The following SGCZ variants were observed in gnomAD, a reference collection of about 807,000 sequenced individuals.
SGCZ encodes the protein sarcoglycan zeta.
In SGCZ, 40 loss-of-function variants were observed where a neutral mutation model predicts 41.3. The ratio of observed to expected loss-of-function variants is 0.97; its 90% confidence interval spans 0.75 to 1.26. The LOEUF is 1.26. Among genes scored for constraint, SGCZ ranks in the 50% most tolerant of loss-of-function variants. The pLI is 0.00. For missense variants in SGCZ, 552 were observed against 369.8 expected, an observed-to-expected ratio of 1.49 and a Z score of -4.04; for synonymous variants, 206 against 137.5, an observed-to-expected ratio of 1.50 and a Z score of -3.49.
At chr8:14,597,637 C>G (rs962145324) in intron 1 of SGCZ, among the ~76,000 whole-genome samples, 4 of 152,058 alleles carry the variant, frequency 2.6e-5, no homozygotes, top group African/African-American at 7.2e-5. Context: ...GCCACCATGC[C>G]CGGCTAATTT....
At chr8:14,316,721 T>G (rs1801728362) in intron 3 of SGCZ, among the ~76,000 whole-genome samples, 1 of 151,886 alleles carries the variant, frequency 6.6e-6, no homozygotes, top group Non-Finnish European at 1.5e-5. Context: ...CTCTTCAATA[T>G]TAGAGTGCCC....
At chr8:14,490,594 T>C (rs558902192) in intron 2 of SGCZ, among the ~76,000 whole-genome samples, 111 of 152,352 alleles carry the variant, frequency 7.3e-4, no homozygotes, top group South Asian at 2.7e-3. Flanking sequence ...TCATATGATA[T>C]TAAAATTCAT....
At chr8:14,191,809 G>C (rs948472174) in intron 4 of SGCZ, among the ~76,000 whole-genome samples, 1 of 152,102 alleles carries the variant, frequency 6.6e-6, no homozygotes, top group Non-Finnish European at 1.5e-5. Context: ...GAAGCCCAGA[G>C]TCAAAGTTCA....
chr8:14,516,617 T>C (rs571643240), intron 2 of SGCZ, among the ~76,000 whole-genome samples: 1 of 152,204 alleles, frequency 6.6e-6, no homozygotes, highest in South Asian at 2.1e-4. Flanking sequence ...AATCTAGGTA[T>C]CAGGAAAATT....
At chr8:14,303,722 C>A (rs185890995) in intron 3 of SGCZ, among the ~76,000 whole-genome samples, 69 of 152,008 alleles carry the variant, frequency 4.5e-4, no homozygotes, top group African/African-American at 1.4e-3. Flanking sequence ...AAATCTCTCT[C>A]TATATATATA....
chr8:14,448,811 C>T (rs1800508865), intron 2 of SGCZ, among the ~76,000 whole-genome samples: 1 of 152,184 alleles, frequency 6.6e-6, no homozygotes, highest in African/African-American at 2.4e-5. Context: ...TTTCTGGCCT[C>T]TGACTCTTCC....
rs150259872 is a variant in SGCZ, at chr8:14,571,359, T to C, written c.40-16433A>G. ...CAAACCATATCAACAATTGCAAATG[T>C]ATTTGCATTAATGTTGCTGTAATCA... On this transcript the variant is annotated intron_variant, in intron 1 of 7. Coordinates refer to ENST00000382080, the MANE Select transcript of SGCZ (RefSeq NM_139167.4). 7.5e-4 allele frequency among the ~76,000 whole-genome samples: 114 copies of C among 152,306 alleles called. 1 individual carries two copies. The East Asian group carries it at 7.5e-3, about 10-fold the overall frequency.
At chr8:14,135,271 A>G (rs901955882) in intron 5 of SGCZ, among the ~76,000 whole-genome samples, 3 of 152,248 alleles carry the variant, frequency 2.0e-5, no homozygotes, top group Non-Finnish European at 4.4e-5. Flanking sequence ...AATATTTTGA[A>G]TTATTTCACT....
intron 1 of SGCZ, among the ~76,000 whole-genome samples, chr8:14,894,145 A>C (rs1805113986): frequency 6.6e-6 from 1 of 152,166 alleles, no homozygotes; most frequent in African/African-American, 2.4e-5. Flanking sequence ...TCTTAATATA[A>C]AATATTCACT....
chr8:14,224,141 C>T (rs892360052), intron 4 of SGCZ, among the ~76,000 whole-genome samples: 1 of 152,144 alleles, frequency 6.6e-6, no homozygotes, highest in Non-Finnish European at 1.5e-5. Flanking sequence ...ATAATGTACA[C>T]AAGTTTGACT....
chr8:14,668,970 T>C (rs890018132), intron 1 of SGCZ, among the ~76,000 whole-genome samples: 1 of 151,984 alleles, frequency 6.6e-6, no homozygotes, highest in Non-Finnish European at 1.5e-5. Context: ...AACATGTAAG[T>C]TCTACTCTCA....
chr8:14,113,279 A>G (rs1030165041), intron 5 of SGCZ, among the ~76,000 whole-genome samples: 1 of 152,096 alleles, frequency 6.6e-6, no homozygotes, highest in Non-Finnish European at 1.5e-5. Context: ...TATCTTTACT[A>G]ATTTTCCCAC....
intron 1 of SGCZ, among the ~76,000 whole-genome samples, chr8:14,775,174 A>G (rs531131221): frequency 1.3e-5 from 2 of 152,328 alleles, no homozygotes; most frequent in South Asian, 4.1e-4. Flanking sequence ...ATTACTGTGT[A>G]TATGAATCAC....
chr8:15,006,862 C>T (rs1195613116), intron 1 of SGCZ, among the ~76,000 whole-genome samples: 3 of 152,148 alleles, frequency 2.0e-5, no homozygotes, highest in South Asian at 2.1e-4. Flanking sequence ...AAATGTGCCT[C>T]TTTATACATT....
At chr8:14,368,954 TA>T (rs956395112) in intron 2 of SGCZ, among the ~76,000 whole-genome samples, 12 of 151,640 alleles carry the variant, frequency 7.9e-5, no homozygotes, top group African/African-American at 2.9e-4. Context: ...GTCTTTCTGA[TA>T]GGGGTTAAGG....
intron 3 of SGCZ, among the ~76,000 whole-genome samples, chr8:14,241,846 T>C (rs930627190): frequency 2.0e-5 from 3 of 152,220 alleles, no homozygotes; most frequent in Non-Finnish European, 4.4e-5. Context: ...TAGATAAAAA[T>C]AATGAAATAT....
At chr8:14,129,772 A>T (rs1372552026) in intron 5 of SGCZ, among the ~76,000 whole-genome samples, 1 of 152,088 alleles carries the variant, frequency 6.6e-6, no homozygotes, top group Admixed American at 6.5e-5. Flanking sequence ...TTAGGAATAA[A>T]TTTGACAAAA....
chr8:14,146,117 C>A (rs1803513133), intron 5 of SGCZ, among the ~76,000 whole-genome samples: 1 of 151,910 alleles, frequency 6.6e-6, no homozygotes, highest in Non-Finnish European at 1.5e-5. Flanking sequence ...CAGATTCAAC[C>A]CAAAGAAGGG....
At chr8:14,140,993 G>T (rs1294842157) in intron 5 of SGCZ, among the ~76,000 whole-genome samples, 1 of 152,016 alleles carries the variant, frequency 6.6e-6, no homozygotes, top group Admixed American at 6.6e-5. Context: ...AATGGAACAG[G>T]ACAGAGCCCT....
Sources: allele counts gnomAD v4.1 joint callset (sites outside exome capture counted in the v4.1 genomes callset), GRCh38; gene constraint gnomAD v4.1.1; transcripts MANE v1.5; gene names NCBI Gene and HGNC (gene_info 2026-07-23, HGNC 2026-07-21).